The following NCOA3 variants were observed in gnomAD, a reference collection of about 807,000 sequenced individuals.
NCOA3 encodes the protein nuclear receptor coactivator 3.
Under a neutral mutation model 158.8 loss-of-function variants are expected in NCOA3, and 51 were observed. That is an observed-to-expected ratio of 0.32 (90% CI 0.26 to 0.41). The LOEUF (loss-of-function observed/expected upper bound fraction) is 0.41. Among genes scored for constraint, NCOA3 ranks in the 10% least tolerant of loss-of-function variants. The probability of loss-of-function intolerance (pLI) is 1.00; values close to 1 mark genes in which losing one functional copy is unlikely to be tolerated. For missense variants in NCOA3, 1,510 were observed against 1,746.6 expected (o/e 0.86, Z 2.41); for synonymous variants, 537 against 592.4 (o/e 0.91, Z 1.36).
chr20:47,587,134 G>A (rs1280299983), intron 2 of NCOA3, among the ~76,000 whole-genome samples: 2 of 151,960 alleles, frequency 1.3e-5, no homozygotes, highest in East Asian at 1.9e-4. Flanking sequence ...CCCATTACCC[G>A]TCGGATCTTG....
rs376607758 is a variant in NCOA3 at position 47,639,019 on chromosome 20, T to A, written c.2524T>A (p.Ser842Thr). The A allele has an allele frequency of 2.2e-5, 36 of 1,601,756 alleles. No homozygotes were observed. In the African/African-American group the frequency reaches 3.6e-4, roughly 16 times the overall value. The change falls in exon 14 of 23, where the codon TCA becomes ACA. Residue 842 changes from serine (S) to threonine (T), a missense_variant. By Grantham distance (58) the Ser-to-Thr change is moderately conservative (BLOSUM62 1). Transcript: ENST00000371998. ...TGTGTTTTCAACAGGTTTGAAAAGT[T>A]CACAGTCTGTGCAGTCTATTCGTCC... ...QGTNSLGLKS[S>T]QSVQSIRPPY...
intron 1 of NCOA3, among the ~76,000 whole-genome samples, chr20:47,547,798 C>T (rs2084857496): frequency 6.6e-6 from 1 of 152,114 alleles, no homozygotes; most frequent in Non-Finnish European, 1.5e-5. Flanking sequence ...TCACTGCAAC[C>T]TCCACCTCCT....
chr20:47,626,913 C>T, intron 5 of NCOA3, 89 bp from the exon 6 acceptor site: 1 of 1,193,886 alleles, frequency 8.4e-7, no homozygotes, highest in Non-Finnish European at 1.2e-6. Context: ...AATACAGTTA[C>T]ACTGATGGTT....
intron 1 of NCOA3, among the ~76,000 whole-genome samples, chr20:47,574,069 A>G (rs1453729918): frequency 6.6e-6 from 1 of 152,178 alleles, no homozygotes; most frequent in Admixed American, 6.6e-5. Flanking sequence ...GGGGAGCACA[A>G]CAGAGTGACA....
intron 2 of NCOA3, among the ~76,000 whole-genome samples, chr20:47,610,080 C>G (rs990824329): frequency 6.6e-6 from 1 of 151,966 alleles, no homozygotes; most frequent in African/African-American, 2.4e-5. Flanking sequence ...ATGTTGAAAG[C>G]TTTTTTTATT....
intron 1 of NCOA3, among the ~76,000 whole-genome samples, chr20:47,521,334 A>G (rs2084329678): frequency 6.6e-6 from 1 of 151,902 alleles, no homozygotes; most frequent in Admixed American, 6.6e-5. Context: ...ATAGCACTCG[A>G]ATATAAGATT....
intron 3 of NCOA3, among the ~76,000 whole-genome samples, chr20:47,622,748 T>C (rs900509259): frequency 6.6e-6 from 1 of 152,098 alleles, no homozygotes; most frequent in African/African-American, 2.4e-5. Flanking sequence ...TTCTTATAGG[T>C]TTTGGGATAG....
chr20:47,530,726 A>G (rs540251140), intron 1 of NCOA3, among the ~76,000 whole-genome samples: 10 of 152,272 alleles, frequency 6.6e-5, no homozygotes, highest in Admixed American at 5.9e-4. Context: ...TGGTCTCTCA[A>G]AGTGCTGGGA....
intron 1 of NCOA3, among the ~76,000 whole-genome samples, chr20:47,547,584 T>G (rs566792382): frequency 2.0e-4 from 31 of 151,792 alleles, no homozygotes; most frequent in African/African-American, 3.1e-4. Context: ...GACTAATTTT[T>G]TGTGTGTGTG....
rs547242585 is a variant in NCOA3 at position 47,539,563 on chromosome 20, G to A, written c.-99+37544G>A. ...GTGCTAAGCTCTTTGAATGGATTTG[G>A]TGGTTTTTCCATTTTATAGCTTGTT... On this transcript the variant is annotated intron_variant, in intron 1 of 22. Coordinates refer to ENST00000371998, the MANE Select transcript of NCOA3 (RefSeq NM_181659.3). Among the ~76,000 whole-genome samples the A allele has an allele frequency of 2.1e-3, 320 of 152,238 alleles. 1 individual carries two copies. The highest frequency in any genetic ancestry group is 4.0e-3 in the Non-Finnish European group (274 of 68,022).
chr20:47,596,010 T>C (rs2085749448), intron 2 of NCOA3, among the ~76,000 whole-genome samples: 1 of 152,196 alleles, frequency 6.6e-6, no homozygotes, highest in African/African-American at 2.4e-5. Context: ...ATTATTTTTA[T>C]ATAAATAAAG....
chr20:47,512,350 C>T (rs921715674), intron 1 of NCOA3, among the ~76,000 whole-genome samples: 3 of 151,544 alleles, frequency 2.0e-5, no homozygotes, highest in African/African-American at 4.9e-5. Context: ...GCGGGCGGAT[C>T]GTGAGGTCAA....
intron 2 of NCOA3, among the ~76,000 whole-genome samples, chr20:47,620,782 C>G (rs2086228087): frequency 6.6e-6 from 1 of 152,114 alleles, no homozygotes; most frequent in East Asian, 1.9e-4. Context: ...TGTCCATATT[C>G]TAATTTTGTC....
chr20:47,502,262 C>T (rs1354876964), intron 1 of NCOA3, among the ~76,000 whole-genome samples: 1 of 152,180 alleles, frequency 6.6e-6, no homozygotes, highest in African/African-American at 2.4e-5. Flanking sequence ...TGGCAGTCCG[C>T]TTGGGGATCC....
At chr20:47,525,741 G>A (rs1323543614) in intron 1 of NCOA3, among the ~76,000 whole-genome samples, 1 of 122,662 alleles carries the variant, frequency 8.2e-6, no homozygotes, top group Non-Finnish European at 1.7e-5. Context: ...TCCCGGAGGG[G>A]GCGGCTGGCC....
chr20:47,613,921 T>C (rs1055793550), intron 2 of NCOA3, among the ~76,000 whole-genome samples: 1 of 151,114 alleles, frequency 6.6e-6, no homozygotes, highest in South Asian at 2.1e-4. Context: ...AAAAAAAAAA[T>C]TAAAAAAAAT....
chr20:47,568,077 G>T (rs2085227935), intron 1 of NCOA3, among the ~76,000 whole-genome samples: 1 of 152,158 alleles, frequency 6.6e-6, no homozygotes, highest in Admixed American at 6.5e-5. Context: ...GTTTGCTTTT[G>T]TTTTATAGTC....
In NCOA3 at chr20:47,655,783, AT is replaced by A. The variant is rs1660718128; in HGVS notation, c.*2367del. 2 of 152,540 alleles carry A rather than the reference AT, an allele frequency of 1.3e-5. No individual in the cohort carries two copies. The highest frequency in any genetic ancestry group is 2.1e-4 in the South Asian group (1 of 4,828). The allele number at this position is 152,540 out of a possible 1,614,324, so 9.4% of individuals were successfully genotyped here. ...AAAAATTATTAAAAACAAAAAAAAAATAAATTTTTTTGCAATCCTTTCCTCA... is the reference window on the plus strand; with the variant it reads ...AAAAATTATTAAAAACAAAAAAAAAAAAATTTTTTTGCAATCCTTTCCTCA... On this transcript the variant is annotated 3_prime_UTR_variant, in exon 23 of 23. Coordinates refer to ENST00000371998, the MANE Select transcript of NCOA3 (RefSeq NM_181659.3).
rs557789542 is a variant in NCOA3, at chr20:47,582,353, A to G, written c.-98-830A>G. Among the ~76,000 whole-genome samples, 31 of 152,146 alleles carry G rather than the reference A, an allele frequency of 2.0e-4. No individual in the cohort carries two copies. In the East Asian group the frequency reaches 5.8e-3, roughly 29 times the overall value. On this transcript the variant is annotated intron_variant, in intron 1 of 22. Transcript: ENST00000371998. Reference sequence around the variant, plus strand: ...TCAGCCTCCTGAGTAGCTGGACTACAGGCGCATGCCATCACACCAAACTAA... The same window carrying G: ...TCAGCCTCCTGAGTAGCTGGACTACGGGCGCATGCCATCACACCAAACTAA...
Sources: allele counts gnomAD v4.1 joint callset (sites outside exome capture counted in the v4.1 genomes callset), GRCh38; gene constraint gnomAD v4.1.1; transcripts MANE v1.5; gene names NCBI Gene and HGNC (gene_info 2026-07-23, HGNC 2026-07-21).